The following FHIT variants were observed in gnomAD, a reference collection of about 807,000 sequenced individuals.
FHIT encodes bis(5'-adenosyl)-triphosphatase.
In FHIT, 19 loss-of-function variants were observed where a neutral mutation model predicts 17.9. That is an observed-to-expected ratio of 1.06 (90% CI 0.74 to 1.56). FHIT has a LOEUF of 1.56. Ranked by LOEUF, FHIT falls within the 40% of genes most tolerant of loss-of-function variation. The pLI is 0.00. For synonymous variants in FHIT, 81 were observed against 69.7 expected (o/e 1.16, Z -0.81); for missense variants, 248 against 189.2 (o/e 1.31, Z -1.82).
chr3:60,360,290 A>T (rs993447832), intron 5 of FHIT, among the ~76,000 whole-genome samples: 3 of 152,018 alleles, frequency 2.0e-5, no homozygotes, highest in African/African-American at 7.2e-5. Flanking sequence ...AAAAGCCTCC[A>T]GAAGGTACAA....
intron 4 of FHIT, among the ~76,000 whole-genome samples, chr3:60,640,052 T>C (rs1355524924): frequency 6.6e-6 from 1 of 152,160 alleles, no homozygotes; most frequent in Non-Finnish European, 1.5e-5. Context: ...TATGGGTTAA[T>C]TCATTAAAAA....
intron 8 of FHIT, among the ~76,000 whole-genome samples, chr3:59,809,519 T>G (rs537248050): frequency 9.2e-5 from 14 of 152,188 alleles, no homozygotes; most frequent in Non-Finnish European, 2.1e-4. Context: ...GAAGCTAACA[T>G]AATACACTCC....
chr3:59,814,305 C>T (rs374622814), intron 8 of FHIT, among the ~76,000 whole-genome samples: 90 of 152,312 alleles, frequency 5.9e-4, no homozygotes, highest in African/African-American at 2.1e-3. Context: ...AAATAAATGA[C>T]GGCCAACAGT....
chr3:59,908,892 T>C (rs981334583), intron 8 of FHIT, among the ~76,000 whole-genome samples: 3 of 141,194 alleles, frequency 2.1e-5, no homozygotes, highest in African/African-American at 5.2e-5. Context: ...ATTGTTATAC[T>C]TGGCACTCAA....
intron 4 of FHIT, among the ~76,000 whole-genome samples, chr3:60,660,070 A>G (rs1172147219): frequency 6.6e-6 from 1 of 152,118 alleles, no homozygotes; most frequent in Non-Finnish European, 1.5e-5. Context: ...TTTCCCATGT[A>G]TATGTGGCTG....
At chr3:60,093,530 G>A (rs1703815314) in intron 5 of FHIT, among the ~76,000 whole-genome samples, 1 of 152,126 alleles carries the variant, frequency 6.6e-6, no homozygotes, top group South Asian at 2.1e-4. Context: ...CACAGTTTCT[G>A]GGGATTACGA....
chr3:61,116,242 C>T (rs2036295422), intron 2 of FHIT, among the ~76,000 whole-genome samples: 1 of 152,098 alleles, frequency 6.6e-6, no homozygotes. Context: ...TCGTCTAGTA[C>T]TTTAAAAATT....
At chr3:60,754,488 G>A (rs899776858) in intron 4 of FHIT, among the ~76,000 whole-genome samples, 4 of 152,166 alleles carry the variant, frequency 2.6e-5, no homozygotes, top group South Asian at 2.1e-4. Context: ...TATATTAGCC[G>A]GGCGTGGTGG....
chr3:60,170,204 G>A (rs56312521), intron 5 of FHIT, among the ~76,000 whole-genome samples: 34,023 of 152,076 alleles, frequency 0.22, 5,014 homozygotes, highest in Non-Finnish European at 0.33. Context: ...TTAATAAGAT[G>A]GATGGAGGTA....
chr3:60,379,163 G>A (rs1319728866), intron 5 of FHIT, among the ~76,000 whole-genome samples: 1 of 152,124 alleles, frequency 6.6e-6, no homozygotes, highest in African/African-American at 2.4e-5. Context: ...AATTGTTCAA[G>A]ATTTTATCAT....
At chr3:60,693,894 C>T (rs9836264) in intron 4 of FHIT, among the ~76,000 whole-genome samples, 2,855 of 152,308 alleles carry the variant, frequency 0.019, 109 homozygotes, top group African/African-American at 0.065. Flanking sequence ...GCTACACCAG[C>T]ACTGAATAGA....
intron 5 of FHIT, among the ~76,000 whole-genome samples, chr3:60,519,876 T>A (rs2107562032): frequency 6.6e-6 from 1 of 152,198 alleles, no homozygotes. Flanking sequence ...AGAGATCACT[T>A]TTTACTGTGA....
At chr3:60,323,598 C>T (rs540229580) in intron 5 of FHIT, among the ~76,000 whole-genome samples, 27 of 152,308 alleles carry the variant, frequency 1.8e-4, no homozygotes, top group Non-Finnish European at 1.5e-4. Flanking sequence ...GGGAGCAGAT[C>T]CCCATCTGTG....
chr3:60,165,532 T>A (rs1576234971), intron 5 of FHIT, among the ~76,000 whole-genome samples: 1 of 152,186 alleles, frequency 6.6e-6, no homozygotes, highest in East Asian at 1.9e-4. Context: ...TGGGTGAGCA[T>A]TATTTAGAAT....
At chr3:60,096,201 G>A (rs1397642896) in intron 5 of FHIT, among the ~76,000 whole-genome samples, 1 of 152,152 alleles carries the variant, frequency 6.6e-6, no homozygotes, top group Non-Finnish European at 1.5e-5. Context: ...CCAGCAGAAT[G>A]AGGATACACT....
intron 5 of FHIT, among the ~76,000 whole-genome samples, chr3:60,060,256 A>G (rs1373763029): frequency 6.6e-6 from 1 of 152,230 alleles, no homozygotes; most frequent in Non-Finnish European, 1.5e-5. Context: ...CTCTGTAAAG[A>G]AAGAAAATCT....
chr3:60,378,745 T>C (rs1700681817), intron 5 of FHIT, among the ~76,000 whole-genome samples: 1 of 152,238 alleles, frequency 6.6e-6, no homozygotes, highest in African/African-American at 2.4e-5. Context: ...CTTTGAATCT[T>C]GTTAGCAATG....
chr3:60,912,861 T>C, intron 3 of FHIT: 1 of 482,238 alleles, frequency 2.1e-6, no homozygotes, highest in Admixed American at 2.2e-5. Context: ...AATCACCCCT[T>C]TGAGTCACTC....
chr3:60,188,358 C>G (rs1023325188), intron 5 of FHIT, among the ~76,000 whole-genome samples: 1 of 152,038 alleles, frequency 6.6e-6, no homozygotes, highest in East Asian at 1.9e-4. Flanking sequence ...ACCGTAGATG[C>G]TGACATGCTT....
Sources: gnomAD v4.1 joint callset for allele counts (sites outside exome capture counted in the v4.1 genomes callset) on GRCh38, gnomAD v4.1.1 for gene constraint, MANE v1.5 for transcripts, NCBI Gene and HGNC (gene_info 2026-07-23, HGNC 2026-07-21) for gene names.